Variants in ARFGEF3 observed in about 807,000 individuals in gnomAD.
ARFGEF3 encodes brefeldin A-inhibited guanine nucleotide-exchange protein 3.
Under a neutral mutation model 221.7 loss-of-function variants are expected in ARFGEF3, and 96 were observed. The ratio of observed to expected loss-of-function variants is 0.43; its 90% CI spans 0.37 to 0.51. The LOEUF (loss-of-function observed/expected upper bound fraction) is 0.51. Among genes scored for constraint, ARFGEF3 ranks in the 20% least tolerant of loss-of-function variants. The pLI is 0.00. For missense variants in ARFGEF3, 2,410 were observed against 2,789.9 expected (o/e 0.86, Z 3.07); for synonymous variants, 1,145 against 1,126.8 (o/e 1.02, Z -0.32).
chr6:138,323,292 A>ATT (rs1239930975), intron 29 of ARFGEF3, among the ~76,000 whole-genome samples: 1 of 152,138 alleles, frequency 6.6e-6, no homozygotes, highest in Non-Finnish European at 1.5e-5. Flanking sequence ...TATGGCCTAA[A>ATT]TTTTGTGGCA....
intron 32 of ARFGEF3, among the ~76,000 whole-genome samples, chr6:138,331,073 G>T (rs905918782): frequency 9.9e-5 from 15 of 151,932 alleles, no homozygotes; most frequent in Middle Eastern, 3.2e-3. Flanking sequence ...AAATATTTTT[G>T]ATTTAAAAGT....
intron 25 of ARFGEF3, 24 bp from the exon 26 acceptor site, chr6:138,313,771 G>A (rs1236102799): frequency 7.5e-6 from 12 of 1,602,698 alleles, no homozygotes; most frequent in Non-Finnish European, 1.0e-5. Context: ...TATAATTGCA[G>A]TTTGTCTTTT....
intron 5 of ARFGEF3, among the ~76,000 whole-genome samples, chr6:138,233,748 G>A (rs867561618): frequency 6.6e-6 from 1 of 152,098 alleles, no homozygotes; most frequent in Non-Finnish European, 1.5e-5. Context: ...CTACAATTAA[G>A]GAACAGATAG....
At chr6:138,181,404 T>A (rs569295926) in intron 2 of ARFGEF3, among the ~76,000 whole-genome samples, 1 of 152,342 alleles carries the variant, frequency 6.6e-6, no homozygotes, top group African/African-American at 2.4e-5. Context: ...ACAATCCAAT[T>A]ATGAATTTTT....
intron 2 of ARFGEF3, among the ~76,000 whole-genome samples, chr6:138,205,209 G>A (rs987677792): frequency 6.6e-6 from 1 of 152,184 alleles, no homozygotes; most frequent in African/African-American, 2.4e-5. Context: ...GGTGCCCTTG[G>A]TGAGTAATGT....
At chr6:138,255,888 T>C in intron 10 of ARFGEF3, 119 bp downstream of exon 10, 9 of 805,374 alleles carry the variant, frequency 1.1e-5, no homozygotes, top group Non-Finnish European at 1.5e-5. Flanking sequence ...TACTGCCTCA[T>C]GGTGTCCAGT....
At chr6:138,307,166 G>A in intron 22 of ARFGEF3, 87 bp from the exon 23 acceptor site, 3 of 1,360,830 alleles carry the variant, frequency 2.2e-6, no homozygotes, top group Non-Finnish European at 3.1e-6. Context: ...CTCCAAAATA[G>A]GGGACAGAGA....
Position 138,263,433 on chromosome 6 carries a change from C to T in ARFGEF3, c.1950C>T (p.His650=). 1 of 1,613,984 alleles carries T rather than the reference C, an allele frequency of 6.2e-7. No homozygotes were observed. The highest frequency in any genetic ancestry group is 8.5e-7 in the Non-Finnish European group (1 of 1,179,892). ...EEQTPRDCLG[H]RSLRTAALSL... is the part of the protein sequence containing the mutation. Reference sequence around the variant, plus strand: ...AGACACCCCGGGACTGCCTAGGCCACCGGTCCCTGCGAACTGCCGCCCTGT... The same window carrying T: ...AGACACCCCGGGACTGCCTAGGCCATCGGTCCCTGCGAACTGCCGCCCTGT... The change falls in exon 12 of 34, where the codon CAC becomes CAT. Residue 650 remains histidine, a synonymous_variant. Coordinates refer to ENST00000251691, the MANE Select transcript of ARFGEF3 (RefSeq NM_020340.5).
rs369969191 is a variant in ARFGEF3 at position 138,336,319 on chromosome 6, G to T, written c.6367G>T (p.Val2123Phe). 6.3e-7 allele frequency: 1 copy of T among 1,599,008 alleles called. No homozygotes were observed. The highest frequency in any genetic ancestry group is 1.1e-5 in the South Asian group (1 of 88,452). ...IQAWTNMVLTVLNQIQILPDQ... is the reference protein window; with the variant it reads ...IQAWTNMVLTFLNQIQILPDQ... ...GGCATGGACCAACATGGTGCTAACAGTTCTCAATCAGATTCAGATTCTCCC... is the reference window on the plus strand; with the variant it reads ...GGCATGGACCAACATGGTGCTAACATTTCTCAATCAGATTCAGATTCTCCC... The change falls in exon 34 of 34, where the codon GTT becomes TTT. Residue 2123 changes from valine to phenylalanine, a missense_variant. Coordinates refer to ENST00000251691, the MANE Select transcript of ARFGEF3 (RefSeq NM_020340.5).
At chr6:138,243,283 T>G (rs928636404) in intron 7 of ARFGEF3, among the ~76,000 whole-genome samples, 1 of 152,208 alleles carries the variant, frequency 6.6e-6, no homozygotes, top group Non-Finnish European at 1.5e-5. Context: ...AGTTACTTCA[T>G]TCTCCATGAA....
Position 138,286,898 on chromosome 6 carries a change from C to A in ARFGEF3, c.2767C>A (p.Arg923=), listed in dbSNP as rs751201082. ...MSLDGLRKAA[R]LSCALGVAAN... is the part of the protein sequence containing the mutation. Reference sequence around the variant, plus strand: ...CCTCGACGGGCTGCGGAAAGCCGCACGGCTGAGCTGCGCTCTAGGTACCAG... The same window carrying A: ...CCTCGACGGGCTGCGGAAAGCCGCAAGGCTGAGCTGCGCTCTAGGTACCAG... The change falls in exon 16 of 34, where the codon CGG becomes AGG. Residue 923 remains arginine (R), a synonymous_variant. Coordinates refer to ENST00000251691, the MANE Select transcript of ARFGEF3 (RefSeq NM_020340.5). 8 of 1,613,074 alleles carry A rather than the reference C, an allele frequency of 5.0e-6. No individual in the cohort carries two copies. In the South Asian group the frequency reaches 8.8e-5, roughly 18 times the overall value.
intron 8 of ARFGEF3, among the ~76,000 whole-genome samples, chr6:138,252,622 C>G (rs1509681): frequency 4.6e-5 from 7 of 152,160 alleles, no homozygotes; most frequent in South Asian, 4.1e-4. Flanking sequence ...CCTTCCACCC[C>G]CTTCTCCTGG....
intron 12 of ARFGEF3, among the ~76,000 whole-genome samples, chr6:138,269,908 A>T (rs567299309): frequency 1.6e-4 from 24 of 152,282 alleles, no homozygotes; most frequent in African/African-American, 5.8e-4. Context: ...GAGCTCCATG[A>T]TGATCAGGGA....
chr6:138,283,367 C>G (rs13193474), intron 14 of ARFGEF3, among the ~76,000 whole-genome samples: 15,677 of 152,274 alleles, frequency 0.1, 1,025 homozygotes, highest in South Asian at 0.16. Flanking sequence ...ATTCATCAGT[C>G]ATCACTGTTA....
At chr6:138,224,420 A>G (rs1054727433) in intron 4 of ARFGEF3, among the ~76,000 whole-genome samples, 4 of 152,208 alleles carry the variant, frequency 2.6e-5, no homozygotes, top group African/African-American at 9.7e-5. Flanking sequence ...GTGTTACCTT[A>G]CTTGGTTACA....
chr6:138,220,822 T>C (rs1340989243), intron 4 of ARFGEF3, among the ~76,000 whole-genome samples: 1 of 152,230 alleles, frequency 6.6e-6, no homozygotes, highest in African/African-American at 2.4e-5. Context: ...TCCATAAGGG[T>C]TGGAATTAGT....
At position 138,291,853 on chromosome 6, in the gene ARFGEF3, C is replaced by T. The variant is rs1318024925; in HGVS notation, c.3168C>T (p.Pro1056=). The part of the protein sequence containing the change: ...ATGSAGLLGD[P]ECEGSPPEHS... ...GAAGCGCTGGCCTCCTTGGGGACCC[C>T]GAGTGTGAGGGCTCGCCCCCCGAGC... Residue 1056 remains proline, a synonymous_variant, in exon 19 of 34, where the codon CCC becomes CCT. Transcript: ENST00000251691. The surrounding 1 kb of genome is among the most constrained non-coding windows in gnomAD (Gnocchi z 4.5). 5 of 1,501,932 alleles carry T rather than the reference C, an allele frequency of 3.3e-6. No homozygotes were observed. The highest frequency in any genetic ancestry group is 4.5e-6 in the Non-Finnish European group (5 of 1,122,124). The allele number at this position is 1,501,932 out of a possible 1,614,324, so 93.0% of individuals were successfully genotyped here.
chr6:138,280,856 C>T (rs922936495), intron 14 of ARFGEF3, among the ~76,000 whole-genome samples: 9 of 151,752 alleles, frequency 5.9e-5, no homozygotes, highest in South Asian at 4.2e-4. Flanking sequence ...TGTCTCAAAA[C>T]AAAAAGTTGG....
chr6:138,162,266 C>T lies in ARFGEF3; in HGVS notation c.85+95C>T, dbSNP rs1776630811. The T allele has an allele frequency of 1.2e-6, 1 of 830,884 alleles. No homozygotes were observed. Among genetic ancestry groups the T allele is most frequent in the South Asian group, 1.8e-5 (1 of 56,974 alleles). 51.5% of individuals were successfully genotyped at this position (830,884 alleles called of 1,614,324 possible). Reference sequence around the variant, plus strand: ...CGTGGGGCTTTCGCGGAGCGTCGGTCATGGGTGCCGTTCTGGCGATTGCGA... The same window carrying T: ...CGTGGGGCTTTCGCGGAGCGTCGGTTATGGGTGCCGTTCTGGCGATTGCGA... On this transcript the variant is annotated intron_variant, in intron 1 of 33. Coordinates refer to ENST00000251691, the MANE Select transcript of ARFGEF3 (RefSeq NM_020340.5). This position sits in a 1 kb window ranked among gnomAD's most constrained non-coding sequence, Gnocchi z 4.7.
Sources: gnomAD v4.1 joint callset for allele counts (sites outside exome capture counted in the v4.1 genomes callset) on GRCh38, gnomAD v4.1.1 for gene constraint, Gnocchi (gnomAD v3.1) non-coding constraint, MANE v1.5 for transcripts, NCBI Gene and HGNC (gene_info 2026-07-23, HGNC 2026-07-21) for gene names.